Variants in PPP2R2B observed in about 807,000 individuals in gnomAD.
PPP2R2B encodes protein phosphatase 2 regulatory subunit Bbeta.
A neutral mutation model predicts 46.0 loss-of-function variants in PPP2R2B; 5 were observed. The ratio of observed to expected loss-of-function variants is 0.11; its 90% CI spans 0.06 to 0.23. The LOEUF (loss-of-function observed/expected upper bound fraction) is 0.23. Among genes scored for constraint, PPP2R2B ranks in the 10% least tolerant of loss-of-function variants. PPP2R2B has a pLI of 1.00. For missense variants in PPP2R2B, 367 were observed against 575.0 expected, an observed-to-expected ratio of 0.64 and a Z score of 3.70; for synonymous variants, 215 against 206.7, an observed-to-expected ratio of 1.04 and a Z score of -0.34.
At chr5:146,771,458 G>T (rs1754850286) in intron 2 of PPP2R2B, among the ~76,000 whole-genome samples, 1 of 152,170 alleles carries the variant, frequency 6.6e-6, no homozygotes, top group Admixed American at 6.6e-5. Context: ...TTGACCTGAG[G>T]TATACTCAGA....
chr5:146,913,902 A>G (rs1763280817), intron 1 of PPP2R2B, among the ~76,000 whole-genome samples: 2 of 152,172 alleles, frequency 1.3e-5, no homozygotes, highest in African/African-American at 2.4e-5. Context: ...TTCACTTACT[A>G]CTTACGTGGT....
chr5:146,829,521 A>C (rs1293884522), intron 2 of PPP2R2B, among the ~76,000 whole-genome samples: 2 of 152,204 alleles, frequency 1.3e-5, no homozygotes, highest in Non-Finnish European at 2.9e-5. Context: ...AGAGGCACAG[A>C]TAAGGTGGGG....
At chr5:146,742,228 T>C (rs913109539) in intron 2 of PPP2R2B, among the ~76,000 whole-genome samples, 1 of 152,202 alleles carries the variant, frequency 6.6e-6, no homozygotes, top group Non-Finnish European at 1.5e-5. Context: ...GTATTTCTTT[T>C]TTTGTGGGCT....
intron 5 of PPP2R2B, among the ~76,000 whole-genome samples, chr5:146,683,779 C>T (rs1778321060): frequency 6.6e-6 from 1 of 152,106 alleles, no homozygotes; most frequent in Non-Finnish European, 1.5e-5. Flanking sequence ...GCTTTCTGAT[C>T]CCATAACTGA....
chr5:146,896,285 C>G (rs1442077326), intron 1 of PPP2R2B, among the ~76,000 whole-genome samples: 1 of 152,158 alleles, frequency 6.6e-6, no homozygotes, highest in Non-Finnish European at 1.5e-5. Context: ...CACATTAACT[C>G]TATCTCTCAC....
At chr5:147,063,794 G>T (rs1757340093) in intron 2 of PPP2R2B, among the ~76,000 whole-genome samples, 1 of 152,148 alleles carries the variant, frequency 6.6e-6, no homozygotes, top group Admixed American at 6.5e-5. Flanking sequence ...AATGTTAGAG[G>T]ATTTGAAAGG....
chr5:146,850,507 C>T (rs1365223014), intron 2 of PPP2R2B, among the ~76,000 whole-genome samples: 1 of 152,134 alleles, frequency 6.6e-6, no homozygotes, highest in Non-Finnish European at 1.5e-5. Context: ...CACTGGCCAC[C>T]TTTCACTTTT....
At chr5:147,052,640 GAACCAAAGAA>G (rs1340292495) in intron 1 of PPP2R2B, among the ~76,000 whole-genome samples, 1 of 152,162 alleles carries the variant, frequency 6.6e-6, no homozygotes, top group African/African-American at 2.4e-5. Flanking sequence ...GAATTTTGAG[GAACCAAAGAA>G]GGCCTGTGTG....
rs137924879 is a variant in PPP2R2B, at chr5:147,019,338, G to T, written c.79+36327C>A. Among the ~76,000 whole-genome samples the T allele has an allele frequency of 2.0e-3, 308 of 152,266 alleles. 1 individual carries two copies. The highest frequency in any genetic ancestry group is 7.2e-3 in the African/African-American group (298 of 41,564). ...AGCAAATTAAAATAGAAAAGATTCA[G>T]AATAAATTGTTACTTGGAACTGTTT... On this transcript the variant is annotated intron_variant, in intron 1 of 8. Transcript: ENST00000336640.
At chr5:146,771,780 G>T (rs1305644480) in intron 2 of PPP2R2B, among the ~76,000 whole-genome samples, 8 of 152,154 alleles carry the variant, frequency 5.3e-5, no homozygotes, top group African/African-American at 1.9e-4. Flanking sequence ...CCCTACTGCA[G>T]TTAAAAGAGG....
At chr5:146,839,911 G>A (rs1026695145) in intron 2 of PPP2R2B, among the ~76,000 whole-genome samples, 2 of 152,142 alleles carry the variant, frequency 1.3e-5, no homozygotes, top group Non-Finnish European at 2.9e-5. Context: ...TAGGGTATGA[G>A]GAAGAGCATG....
chr5:147,069,130 T>C (rs1420420631), intron 2 of PPP2R2B, among the ~76,000 whole-genome samples: 2 of 152,096 alleles, frequency 1.3e-5, no homozygotes, highest in East Asian at 3.9e-4. Context: ...GCCTTGAAAA[T>C]TGCTTTTGGG....
At chr5:146,664,130 G>A (rs465063) in intron 5 of PPP2R2B, among the ~76,000 whole-genome samples, 115,032 of 152,032 alleles carry the variant, frequency 0.76, 44,988 homozygotes, top group Non-Finnish European at 0.86. Context: ...ATGAGCCACC[G>A]CGCCTGGCTG....
At chr5:146,833,565 G>A (rs912266137) in intron 2 of PPP2R2B, among the ~76,000 whole-genome samples, 3 of 152,134 alleles carry the variant, frequency 2.0e-5, no homozygotes, top group Non-Finnish European at 2.9e-5. Flanking sequence ...AGGGCATTCC[G>A]TGGTTATGAA....
At chr5:146,615,541 A>G (rs1773088565) in intron 7 of PPP2R2B, among the ~76,000 whole-genome samples, 1 of 150,100 alleles carries the variant, frequency 6.7e-6, no homozygotes, top group African/African-American at 2.4e-5. Flanking sequence ...GAAAAAAAAA[A>G]CTATTAGAAC....
intron 1 of PPP2R2B, among the ~76,000 whole-genome samples, chr5:146,925,959 C>T (rs1763768661): frequency 6.6e-6 from 1 of 151,994 alleles, no homozygotes; most frequent in Non-Finnish European, 1.5e-5. Context: ...TTGTACCCTT[C>T]AGCTACAGAA....
At chr5:146,943,748 TTA>T (rs1368015259) in intron 1 of PPP2R2B, among the ~76,000 whole-genome samples, 2 of 151,760 alleles carry the variant, frequency 1.3e-5, no homozygotes, top group African/African-American at 4.8e-5. Flanking sequence ...CTGTAAGGAG[TTA>T]TATGAGAGGA....
At chr5:146,760,346 A>T (rs1754085493) in intron 2 of PPP2R2B, among the ~76,000 whole-genome samples, 1 of 152,222 alleles carries the variant, frequency 6.6e-6, no homozygotes, top group African/African-American at 2.4e-5. Context: ...TAGAAAATTA[A>T]GCTTGTCTGC....
intron 7 of PPP2R2B, among the ~76,000 whole-genome samples, chr5:146,601,377 A>G (rs1370196766): frequency 1.3e-5 from 2 of 152,110 alleles, no homozygotes; most frequent in East Asian, 1.9e-4. Flanking sequence ...CGGGAAGATC[A>G]CTTAAACCCA....
Sources: allele counts gnomAD v4.1 joint callset (sites outside exome capture counted in the v4.1 genomes callset), GRCh38; gene constraint gnomAD v4.1.1; transcripts MANE v1.5; gene names NCBI Gene and HGNC (gene_info 2026-07-23, HGNC 2026-07-21).